Variants in BABAM1 observed in about 807,000 individuals in gnomAD.
The protein encoded by BABAM1 is BRISC and BRCA1 A complex member 1.
In BABAM1, 14 loss-of-function variants were observed where a neutral mutation model predicts 34.4. That is an observed-to-expected ratio of 0.41 (90% CI 0.27 to 0.64). BABAM1 has a LOEUF of 0.64. Among genes scored for constraint, BABAM1 ranks in the 30% least tolerant of loss-of-function variants. The pLI, the probability that BABAM1 is intolerant of heterozygous loss-of-function variation, is 0.34. For missense variants in BABAM1, 393 were observed against 434.0 expected, an observed-to-expected ratio of 0.91 and a Z score of 0.84; for synonymous variants, 169 against 165.8, an observed-to-expected ratio of 1.02 and a Z score of -0.15.
chr19:17,276,461 C>A, intron 6 of BABAM1, 34 bp from the exon 7 acceptor site: 1 of 1,572,870 alleles, frequency 6.4e-7, no homozygotes, highest in Non-Finnish European at 8.6e-7. Context: ...CCCCCACAGG[C>A]TGCTCTGACT....
In BABAM1 at chr19:17,267,542, C is replaced by A. The variant is rs190435829; in HGVS notation, c.-14+15C>A. ...GTGAGCCGAAGGTGGGTGGTGAAAG[C>A]GTGTGGGGCCCGTTCCTAGGGGCCC... On this transcript the variant is annotated intron_variant, in intron 1 of 8. Coordinates refer to ENST00000598188, the MANE Select transcript of BABAM1 (RefSeq NM_014173.4). The A allele has an allele frequency of 2.6e-5, 4 of 152,170 alleles. No homozygotes were observed. The highest frequency in any genetic ancestry group is 4.8e-5 in the African/African-American group (2 of 41,432). 9.4% of individuals were successfully genotyped at this position (152,170 alleles called of 1,614,324 possible). A position where few individuals can be genotyped will look rare whatever the true frequency, so the allele number is the denominator to read the frequency against.
chr19:17,275,870 G>C, intron 6 of BABAM1, 45 bp downstream of exon 6: 1 of 1,593,496 alleles, frequency 6.3e-7, no homozygotes, highest in Non-Finnish European at 8.6e-7. Flanking sequence ...CAAAGAGAAG[G>C]GTCACTTCTG....
rs896271183 is a variant in BABAM1, at chr19:17,276,872, A to G, written c.749A>G (p.Asn250Ser). Reference sequence around the variant, plus strand: ...TTCTTTGACGTTGTTTACATCCACAATGGCACTGAGGAGAAGGAGGAGGAG... The same window carrying G: ...TTCTTTGACGTTGTTTACATCCACAGTGGCACTGAGGAGAAGGAGGAGGAG... ...YFFFDVVYIH[N>S]GTEEKEEEMS... Residue 250 changes from asparagine to serine, a missense_variant, in exon 8 of 9, where the codon AAT (asparagine) becomes AGT (serine). Coordinates refer to ENST00000598188, the MANE Select transcript of BABAM1 (RefSeq NM_014173.4). 32 of 1,604,128 alleles carry G rather than the reference A, an allele frequency of 2.0e-5. No individual in the cohort carries two copies. Among genetic ancestry groups the G allele is most frequent in the Middle Eastern group, 3.3e-4 (2 of 6,072 alleles).
In BABAM1 at chr19:17,279,237, C is replaced by T; in HGVS notation, c.*189C>T. 1.8e-6 allele frequency: 1 copy of T among 563,954 alleles called. No individual in the cohort carries two copies. The highest frequency in any genetic ancestry group is 3.3e-5 in the Admixed American group (1 of 29,986). The allele number at this position is 563,954 out of a possible 1,614,324, so 34.9% of individuals were successfully genotyped here. On this transcript the variant is annotated 3_prime_UTR_variant, in exon 9 of 9. Transcript: ENST00000598188. ...CCCAGGAACTGTGGGCACCCATTTT[C>T]TGTGTCTCCCAGCCCATTTCCACTC...
intron 5 of BABAM1, chr19:17,274,440 T>C: frequency 1.9e-6 from 1 of 515,852 alleles, no homozygotes; most frequent in East Asian, 3.5e-5. Flanking sequence ...TGGTGGTCCA[T>C]GCCTATAATC....
intron 3 of BABAM1, among the ~76,000 whole-genome samples, chr19:17,273,010 C>T (rs2073860764): frequency 6.6e-6 from 1 of 152,018 alleles, no homozygotes; most frequent in Admixed American, 6.5e-5. Context: ...AAGAACGAAA[C>T]TCCATCTCAA....
chr19:17,268,953 C>CGAGGGT lies in BABAM1; in HGVS notation c.158_163dup (p.Gly53_Glu54dup). On this transcript the variant is annotated inframe_insertion, in exon 2 of 9. Coordinates refer to ENST00000598188, the MANE Select transcript of BABAM1 (RefSeq NM_014173.4). The stretch of plus-strand genomic sequence containing the variant: ...CACAGGCCAGCGTGGGCAGCCGCAG[C>CGAGGGT]GAGGGTGAGGGTGAGGCCGCCAGTG... The CGAGGGT allele has an allele frequency of 6.3e-7, 1 of 1,575,222 alleles. No homozygotes were observed. Among genetic ancestry groups the CGAGGGT allele is most frequent in the Non-Finnish European group, 8.6e-7 (1 of 1,161,528 alleles).
Position 17,273,917 on chromosome 19 carries a change from G to T in BABAM1, c.358G>T (p.Ala120Ser), listed in dbSNP as rs368554117. The change falls in exon 4 of 9, where the codon GCC becomes TCC. Residue 120 changes from alanine to serine, a missense_variant. Physicochemically the swap from Ala to Ser is moderately conservative, Grantham distance 99. Transcript: ENST00000598188. Reference sequence around the variant, plus strand: ...CTGCCTCCCCAGCTCCAAAACCAACGCCCTCAATGTCTCCCAGAAGATGAT... The same window carrying T: ...CTGCCTCCCCAGCTCCAAAACCAACTCCCTCAATGTCTCCCAGAAGATGAT... ...LESFNGSKTN[A>S]LNVSQKMIEM... 2 of 1,611,916 alleles carry T rather than the reference G, an allele frequency of 1.2e-6. No individual in the cohort carries two copies. The highest frequency in any genetic ancestry group is 1.7e-6 in the Non-Finnish European group (2 of 1,179,158).
Position 17,279,073 on chromosome 19 carries a change from C to A in BABAM1, c.*25C>A. On this transcript the variant is annotated 3_prime_UTR_variant, in exon 9 of 9. Coordinates refer to ENST00000598188, the MANE Select transcript of BABAM1 (RefSeq NM_014173.4). ...AACCATCCCTGTACATCTGCACCTT[C>A]TTGTGCAAGGAAGTCCTTGGCCTAA... 6.3e-7 allele frequency: 1 copy of A among 1,590,220 alleles called. No individual in the cohort carries two copies. The highest frequency in any genetic ancestry group is 8.6e-7 in the Non-Finnish European group (1 of 1,164,978).
Position 17,274,144 on chromosome 19 carries a change from G to C in BABAM1, c.503G>C (p.Ser168Thr). Residue 168 changes from serine to threonine, a missense_variant, in exon 5 of 9, where the codon AGC becomes ACC. By Grantham distance (58) the Ser-to-Thr change is moderately conservative. Coordinates refer to ENST00000598188, the MANE Select transcript of BABAM1 (RefSeq NM_014173.4). Reference sequence around the variant, plus strand: ...ACCTCCGACCCCCGCGAGCTCTGTAGCTGCCTCTATGATCTGGAGACGGCC... The same window carrying C: ...ACCTCCGACCCCCGCGAGCTCTGTACCTGCCTCTATGATCTGGAGACGGCC... The part of the protein sequence containing the change: ...GLTSDPRELC[S>T]CLYDLETASC... 6.2e-7 allele frequency: 1 copy of C among 1,613,670 alleles called. No homozygotes were observed. Among genetic ancestry groups the C allele is most frequent in the South Asian group, 1.1e-5 (1 of 91,080 alleles).
At chr19:17,273,245 G>T (rs974243767) in intron 3 of BABAM1, among the ~76,000 whole-genome samples, 3 of 152,122 alleles carry the variant, frequency 2.0e-5, no homozygotes, top group Admixed American at 6.6e-5. Context: ...TATCTGGAGT[G>T]GGGGGCAGTT....
intron 5 of BABAM1, chr19:17,274,429 A>T (rs1366777769): frequency 1.9e-6 from 1 of 535,898 alleles, no homozygotes; most frequent in Middle Eastern, 5.0e-4. Flanking sequence ...TGGTCCGGGC[A>T]TGGTGGTCCA....
rs10406846 is a variant in BABAM1 at position 17,273,555 on chromosome 19, G to T, written c.345-349G>T. Among the ~76,000 whole-genome samples, 38 of 13,194 alleles carry T rather than the reference G, an allele frequency of 2.9e-3. 5 individuals are homozygous for T. Among genetic ancestry groups the T allele is most frequent in the Non-Finnish European group, 3.6e-3 (15 of 4,198 alleles). The allele number at this position is 13,194 out of a possible 152,430, so 8.7% of individuals were successfully genotyped here. A position where few individuals can be genotyped will look rare whatever the true frequency, so the allele number is the denominator to read the frequency against. ...GGGTGGCTGAAGGAAGTTTTTTTTT[G>T]TTTGTTTTGTTTTTTTTTTTTTTTT... On this transcript the variant is annotated intron_variant, in intron 3 of 8. Coordinates refer to ENST00000598188, the MANE Select transcript of BABAM1 (RefSeq NM_014173.4).
chr19:17,269,167 A>G, intron 2 of BABAM1, 76 bp downstream of exon 2: 10 of 1,437,576 alleles, frequency 7.0e-6, no homozygotes, highest in Non-Finnish European at 8.3e-6. Context: ...TAACACTGCA[A>G]ACATTCCCTT....
At chr19:17,274,434 G>A in intron 5 of BABAM1, 2 of 526,564 alleles carry the variant, frequency 3.8e-6, no homozygotes, top group East Asian at 3.3e-5. Context: ...CGGGCATGGT[G>A]GTCCATGCCT....
At chr19:17,271,490 TCAC>T (rs1257217700) in intron 2 of BABAM1, 104 bp from the exon 3 acceptor site, 2 of 1,261,980 alleles carry the variant, frequency 1.6e-6, no homozygotes, top group African/African-American at 3.0e-5. Flanking sequence ...GGATTAGAGG[TCAC>T]CATACTGCCT....
intron 1 of BABAM1, chr19:17,268,447 T>TTTTTTTA (rs2073795265): frequency 7.0e-6 from 1 of 141,970 alleles, no homozygotes. Context: ...TTTTTTTTTT[T>TTTTTTTA]GAGACGGAGT....
intron 3 of BABAM1, among the ~76,000 whole-genome samples, chr19:17,273,193 GCC>G (rs1426548629): frequency 6.6e-6 from 1 of 152,182 alleles, no homozygotes; most frequent in Non-Finnish European, 1.5e-5. Context: ...GGCCTGGCTG[GCC>G]CTGAAGCCCT....
In BABAM1 at chr19:17,274,091, C is replaced by G; in HGVS notation, c.466-16C>G. 1 of 1,613,752 alleles carries G rather than the reference C, an allele frequency of 6.2e-7. No homozygotes were observed. Among genetic ancestry groups the G allele is most frequent in the South Asian group, 1.1e-5 (1 of 91,080 alleles). On this transcript the variant is annotated splice_polypyrimidine_tract_variant and intron_variant, in intron 4 of 8. Coordinates refer to ENST00000598188, the MANE Select transcript of BABAM1 (RefSeq NM_014173.4). ...GGCCCGGGGAGCATCGCACTGAGGC[C>G]TCTGCTTCCCTGCAGCTGTCTGGCC...
Sources: gnomAD v4.1 joint callset for allele counts (sites outside exome capture counted in the v4.1 genomes callset) on GRCh38, gnomAD v4.1.1 for gene constraint, MANE v1.5 for transcripts, NCBI Gene and HGNC (gene_info 2026-07-23, HGNC 2026-07-21) for gene names.